DOCK1: variants seen among roughly 807,000 people sequenced by gnomAD.
DOCK1 encodes dedicator of cytokinesis 1.
Under a neutral mutation model 262.7 loss-of-function variants are expected in DOCK1, and 138 were observed. That is an observed-to-expected ratio of 0.53 (90% CI 0.46 to 0.61). DOCK1 has a LOEUF of 0.61. DOCK1 is among the 20% of genes least tolerant of loss of function. The probability of loss-of-function intolerance (pLI) is 0.00; values close to 1 mark genes in which losing one functional copy is unlikely to be tolerated. For missense variants in DOCK1, 1,908 were observed against 2,370.7 expected (o/e 0.80, Z 4.05); for synonymous variants, 866 against 867.4 (o/e 1.00, Z 0.03).
chr10:127,404,573 G>T, intron 40 of DOCK1, 144 bp downstream of exon 40: 1 of 689,732 alleles, frequency 1.4e-6, no homozygotes, highest in Non-Finnish European at 2.5e-6. Flanking sequence ...GTTAGCCCGG[G>T]GGGCAGAGAG....
intron 45 of DOCK1, 141 bp from the exon 46 acceptor site, chr10:127,419,525 G>A: frequency 1.3e-6 from 1 of 748,748 alleles, no homozygotes; most frequent in Admixed American, 2.3e-5. Flanking sequence ...GCTGCGAAGG[G>A]TGTGACCCTG....
intron 27 of DOCK1, among the ~76,000 whole-genome samples, chr10:127,194,800 AGC>A (rs2056988100): frequency 6.6e-6 from 1 of 152,164 alleles, no homozygotes; most frequent in South Asian, 2.1e-4. Context: ...TTGGCTTCCC[AGC>A]CAAGGCAGGG....
At chr10:127,131,627 T>C (rs2050331712) in intron 27 of DOCK1, among the ~76,000 whole-genome samples, 1 of 151,978 alleles carries the variant, frequency 6.6e-6, no homozygotes, top group Non-Finnish European at 1.5e-5. Context: ...CTGCCCTTGC[T>C]CTTCCAATTT....
intron 6 of DOCK1, among the ~76,000 whole-genome samples, chr10:126,990,821 G>C (rs1346958125): frequency 5.9e-5 from 9 of 152,182 alleles, no homozygotes; most frequent in Admixed American, 5.9e-4. Context: ...CATTCTTCAA[G>C]GGATAGAGTC....
chr10:126,958,065 AAATCTC>A (rs1164630913), intron 1 of DOCK1, among the ~76,000 whole-genome samples: 6 of 152,120 alleles, frequency 3.9e-5, no homozygotes, highest in African/African-American at 1.4e-4. Context: ...TTTGGGAGAA[AAATCTC>A]CTAGAGAGGG....
intron 29 of DOCK1, among the ~76,000 whole-genome samples, chr10:127,295,333 C>T (rs1356748564): frequency 6.6e-6 from 1 of 152,064 alleles, no homozygotes; most frequent in African/African-American, 2.4e-5. Context: ...TTTGAACAAC[C>T]AGCTTTCGTG....
chr10:127,352,307 G>A (rs2063922415), intron 31 of DOCK1, among the ~76,000 whole-genome samples: 1 of 132,510 alleles, frequency 7.5e-6, no homozygotes, highest in African/African-American at 2.8e-5. Flanking sequence ...GGGGTGAAGA[G>A]GAGCGGGGAG....
rs1429352944 is a variant in DOCK1 at position 126,962,811 on chromosome 10, T to C, written c.47-7891T>C. 2.6e-5 allele frequency among the ~76,000 whole-genome samples: 4 copies of C among 152,350 alleles called. 1 individual carries two copies. The highest frequency in any genetic ancestry group is 9.6e-5 in the African/African-American group (4 of 41,586). ...TCCAGTAAATCATTGCCAAATCCAG[T>C]GTCATGAAGTTGTTCCTCTGTGTTT... On this transcript the variant is annotated intron_variant, in intron 1 of 51. Transcript: ENST00000623213.
chr10:127,189,029 C>T (rs1026365249), intron 27 of DOCK1, among the ~76,000 whole-genome samples: 3 of 152,122 alleles, frequency 2.0e-5, no homozygotes, highest in South Asian at 2.1e-4. Context: ...TCCTAGGAAG[C>T]GCTCAGTACA....
At chr10:127,120,940 A>G (rs867490411) in intron 25 of DOCK1, among the ~76,000 whole-genome samples, 2 of 152,196 alleles carry the variant, frequency 1.3e-5, no homozygotes, top group African/African-American at 4.8e-5. Context: ...CACACATCGT[A>G]TCATTTAGTT....
At chr10:126,907,887 A>G (rs1259174190) in intron 1 of DOCK1, among the ~76,000 whole-genome samples, 1 of 152,200 alleles carries the variant, frequency 6.6e-6, no homozygotes, top group Non-Finnish European at 1.5e-5. Flanking sequence ...GAAAAAATAA[A>G]TTTAAAAAAG....
intron 1 of DOCK1, among the ~76,000 whole-genome samples, chr10:126,937,863 T>G (rs2034660057): frequency 6.6e-6 from 1 of 152,160 alleles, no homozygotes; most frequent in Non-Finnish European, 1.5e-5. Flanking sequence ...AAGTCCAACT[T>G]CTTTATCTTG....
chr10:126,987,351 C>T (rs955063027), intron 4 of DOCK1, among the ~76,000 whole-genome samples, 170 bp from the exon 5 acceptor site: 1 of 152,164 alleles, frequency 6.6e-6, no homozygotes, highest in Non-Finnish European at 1.5e-5. Context: ...TATAACTTGT[C>T]ATTCGTAGAG....
intron 27 of DOCK1, among the ~76,000 whole-genome samples, chr10:127,144,516 A>C (rs762891028): frequency 2.0e-5 from 3 of 152,240 alleles, no homozygotes; most frequent in Non-Finnish European, 2.9e-5. Flanking sequence ...TTGTTGAATT[A>C]CAATAAACTG....
At chr10:127,242,526 C>T (rs2059298829) in intron 27 of DOCK1, among the ~76,000 whole-genome samples, 1 of 152,154 alleles carries the variant, frequency 6.6e-6, no homozygotes, top group Admixed American at 6.5e-5. Context: ...GGACTTGACT[C>T]TCAGTTACAT....
intron 29 of DOCK1, among the ~76,000 whole-genome samples, chr10:127,337,707 A>C (rs2063262866): frequency 6.6e-6 from 1 of 152,210 alleles, no homozygotes; most frequent in Admixed American, 6.5e-5. Context: ...CCGGGGAAGA[A>C]GTCAAATAAC....
At position 127,032,218 on chromosome 10, in the gene DOCK1, T is replaced by A. The variant is rs754821075; in HGVS notation, c.1810T>A (p.Ser604Thr). 1.1e-5 allele frequency: 18 copies of A among 1,600,750 alleles called. No homozygotes were observed. The highest frequency in any genetic ancestry group is 1.5e-5 in the Non-Finnish European group (18 of 1,173,712). The part of the protein sequence containing the change: ...TKAELEEKGH[S>T]ATGKSMQSLG... ...GGCAGAGTTGGAAGAAAAGGGCCAC[T>A]CGGCCACCGGCAAGAGCATGCAGAG... is the stretch of plus-strand genomic sequence containing the variant. Residue 604 changes from serine (S) to threonine (T), a missense_variant, in exon 18 of 52, where the codon TCG becomes ACG. Physicochemically the swap from Ser to Thr is moderately conservative, Grantham distance 58. Around this residue, in one of 9 missense-constraint regions of DOCK1, gnomAD observed 294 missense variants for 439.9 expected, o/e 0.67. Transcript: ENST00000623213.
intron 1 of DOCK1, among the ~76,000 whole-genome samples, chr10:126,956,633 G>GT (rs1186151595): frequency 6.6e-6 from 1 of 152,204 alleles, no homozygotes; most frequent in African/African-American, 2.4e-5. Context: ...TTGTGCACAT[G>GT]TAGGGTGGCC....
chr10:127,090,614 C>T (rs747509765), intron 23 of DOCK1, among the ~76,000 whole-genome samples: 9 of 152,156 alleles, frequency 5.9e-5, no homozygotes, highest in African/African-American at 1.4e-4. Context: ...AGATCATTTC[C>T]GTCACCCCAG....
Sources: allele counts gnomAD v4.1 joint callset (sites outside exome capture counted in the v4.1 genomes callset), GRCh38; gene constraint gnomAD v4.1.1; regional missense constraint gnomAD v4.1.1; transcripts MANE v1.5; gene names NCBI Gene and HGNC (gene_info 2026-07-23, HGNC 2026-07-21).